Variants in SPHKAP observed in about 807,000 individuals in gnomAD.
The protein encoded by SPHKAP is A-kinase anchor protein SPHKAP.
SPHKAP carries 67 observed loss-of-function variants against 137.5 expected under a neutral mutation model. That is an observed-to-expected ratio of 0.49 (90% confidence interval 0.40 to 0.60). The LOEUF (loss-of-function observed/expected upper bound fraction) is 0.60. Among genes scored for constraint, SPHKAP ranks in the 20% least tolerant of loss-of-function variants. The probability of loss-of-function intolerance (pLI) is 0.00; values close to 1 mark genes in which losing one functional copy is unlikely to be tolerated. For synonymous variants in SPHKAP, 813 were observed against 785.3 expected, an observed-to-expected ratio of 1.04 and a Z score of -0.59; for missense variants, 2,097 against 2,069.3, an observed-to-expected ratio of 1.01 and a Z score of -0.26.
Position 228,017,940 on chromosome 2 carries a change from G to C in SPHKAP, c.2914C>G (p.Pro972Ala). Residue 972 changes from proline (P) to alanine (A), a missense_variant, in exon 7 of 12, where the codon CCC (proline) becomes GCC (alanine). Physicochemically the swap from Pro to Ala is conservative, Grantham distance 27 (BLOSUM62 -1). Transcript: ENST00000392056. The stretch of plus-strand genomic sequence containing the variant: ...TTCAAGGATCGGCAGGGTACGTTGG[G>C]TGTCATCAGAAACTCACTCCCTCTT... ...WKRGSEFLMTPNVPCRSLKRK... is the reference protein window; with the variant it reads ...WKRGSEFLMTANVPCRSLKRK... 1 of 1,614,106 alleles carries C rather than the reference G, an allele frequency of 6.2e-7. No homozygotes were observed. Among genetic ancestry groups the C allele is most frequent in the Non-Finnish European group, 8.5e-7 (1 of 1,180,018 alleles).
At chr2:228,157,696 C>T (rs988284669) in intron 1 of SPHKAP, among the ~76,000 whole-genome samples, 6 of 151,990 alleles carry the variant, frequency 3.9e-5, no homozygotes, top group African/African-American at 4.8e-5. Context: ...TGTCATTTTG[C>T]GGGGAAGCTT....
intron 3 of SPHKAP, among the ~76,000 whole-genome samples, chr2:228,042,563 G>T (rs887413098): frequency 1.3e-5 from 2 of 151,938 alleles, no homozygotes; most frequent in South Asian, 4.1e-4. Context: ...TATTTCTATA[G>T]ATTTGTTTGT....
At chr2:228,176,933 A>G (rs1303922200) in intron 1 of SPHKAP, among the ~76,000 whole-genome samples, 1 of 152,126 alleles carries the variant, frequency 6.6e-6, no homozygotes, top group Non-Finnish European at 1.5e-5. Context: ...AATACAATAC[A>G]TCACTGTTTC....
intron 1 of SPHKAP, among the ~76,000 whole-genome samples, chr2:228,179,095 C>T (rs1700823832): frequency 6.6e-6 from 1 of 152,000 alleles, no homozygotes; most frequent in Non-Finnish European, 1.5e-5. Flanking sequence ...AAAATATATT[C>T]TATAATTAAC....
At chr2:227,997,701 C>T (rs1346351217) in intron 7 of SPHKAP, among the ~76,000 whole-genome samples, 1 of 152,136 alleles carries the variant, frequency 6.6e-6, no homozygotes, top group Non-Finnish European at 1.5e-5. Flanking sequence ...GAGCTCTCTC[C>T]CTTGAATGGT....
chr2:228,018,921 T>C lies in SPHKAP; in HGVS notation c.1933A>G (p.Arg645Gly). 1 of 1,614,192 alleles carries C rather than the reference T, an allele frequency of 6.2e-7. No individual in the cohort carries two copies. The highest frequency in any genetic ancestry group is 8.5e-7 in the Non-Finnish European group (1 of 1,180,024). ...TTTGAAGCAGTTTCCATGATTCTCC[T>C]GTTCATGGAGTCCAGAAAGTCTCCA... is the stretch of plus-strand genomic sequence containing the variant. ...SIGDFLDSMN[R>G]RIMETASKSQ... The change falls in exon 7 of 12, where the codon AGG becomes GGG. Residue 645 changes from arginine (R) to glycine (G), a missense_variant. Physicochemically the swap from Arg to Gly is moderately radical, Grantham distance 125. Transcript: ENST00000392056.
intron 3 of SPHKAP, among the ~76,000 whole-genome samples, chr2:228,043,076 T>C (rs1039482511): frequency 6.6e-6 from 1 of 152,204 alleles, no homozygotes; most frequent in Non-Finnish European, 1.5e-5. Flanking sequence ...ATATCAACCA[T>C]TTCCTAGTCA....
rs144776049 is a variant in SPHKAP, at chr2:228,019,722, G to A, written c.1132C>T (p.Leu378Phe). 9 of 1,614,094 alleles carry A rather than the reference G, an allele frequency of 5.6e-6. No individual in the cohort carries two copies. Among genetic ancestry groups the A allele is most frequent in the Admixed American group, 1.7e-5 (1 of 60,006 alleles). The change falls in exon 7 of 12, where the codon CTC (leucine) becomes TTC (phenylalanine). Residue 378 changes from leucine to phenylalanine, a missense_variant. By Grantham distance (22) the Leu-to-Phe change is conservative (BLOSUM62 0). Transcript: ENST00000392056. Reference protein sequence around the residue: ...PGDHEDTRNALPPRQDGEVTT... With the variant: ...PGDHEDTRNAFPPRQDGEVTT... ...ACTTCTCCATCTTGTCTAGGAGGGA[G>A]AGCGTTTCTTGTGTCTTCATGGTCT...
intron 1 of SPHKAP, among the ~76,000 whole-genome samples, chr2:228,179,418 A>C (rs1227656453): frequency 6.6e-6 from 1 of 152,212 alleles, no homozygotes; most frequent in African/African-American, 2.4e-5. Flanking sequence ...TTCTTTTTGC[A>C]TCCCAATCCC....
At chr2:228,164,222 G>T (rs779687998) in intron 1 of SPHKAP, among the ~76,000 whole-genome samples, 7 of 152,140 alleles carry the variant, frequency 4.6e-5, no homozygotes, top group Non-Finnish European at 7.3e-5. Context: ...CCAGTGGTTT[G>T]CCAGGGCCTC....
At position 228,078,471 on chromosome 2, in the gene SPHKAP, T is replaced by G. The variant is rs1697254527; in HGVS notation, c.246+30361A>C. On this transcript the variant is annotated intron_variant, in intron 3 of 11. Coordinates refer to ENST00000392056, the MANE Select transcript of SPHKAP (RefSeq NM_001142644.2). ...CTCTGGTGCATTTATTTAACTCTTCTGTGGTGGTGGTGTAGGAGTCGTAGA... is the reference window on the plus strand; with the variant it reads ...CTCTGGTGCATTTATTTAACTCTTCGGTGGTGGTGGTGTAGGAGTCGTAGA... Among the ~76,000 whole-genome samples, 4 of 151,688 alleles carry G rather than the reference T, an allele frequency of 2.6e-5. No homozygotes were observed. In the South Asian group the frequency reaches 8.3e-4, roughly 32 times the overall value.
At chr2:228,117,310 G>A (rs534616269) in intron 2 of SPHKAP, among the ~76,000 whole-genome samples, 1 of 152,100 alleles carries the variant, frequency 6.6e-6, no homozygotes, top group African/African-American at 2.4e-5. Context: ...AATTATTAAT[G>A]AATGTGTGCT....
chr2:228,028,671 G>T (rs1574769932), intron 3 of SPHKAP, among the ~76,000 whole-genome samples: 1 of 152,148 alleles, frequency 6.6e-6, no homozygotes, highest in South Asian at 2.1e-4. Context: ...ATGCTGTACA[G>T]GTTTATAGCC....
intron 1 of SPHKAP, among the ~76,000 whole-genome samples, chr2:228,158,878 G>A (rs1420265632): frequency 3.9e-5 from 6 of 152,150 alleles, no homozygotes; most frequent in Non-Finnish European, 8.8e-5. Context: ...ATTTACCCTT[G>A]AATCTCTTTT....
At chr2:228,147,650 C>G (rs1441944601) in intron 1 of SPHKAP, among the ~76,000 whole-genome samples, 2 of 152,150 alleles carry the variant, frequency 1.3e-5, no homozygotes, top group Non-Finnish European at 2.9e-5. Flanking sequence ...GCTTCAGGTT[C>G]CTCATCTGTG....
In SPHKAP at chr2:228,120,614, G is replaced by C. The variant is rs561620422; in HGVS notation, c.138+11366C>G. Among the ~76,000 whole-genome samples the C allele has an allele frequency of 2.7e-4, 41 of 152,156 alleles. 1 individual carries two copies. The highest frequency in any genetic ancestry group is 9.6e-4 in the African/African-American group (40 of 41,532). On this transcript the variant is annotated intron_variant, in intron 2 of 11. Coordinates refer to ENST00000392056, the MANE Select transcript of SPHKAP (RefSeq NM_001142644.2). ...TGTGCCACTCAATTACTCATATTCT[G>C]GAAGCTACACTGTATCTTAATGTTG... is the stretch of plus-strand genomic sequence containing the variant.
chr2:227,982,043 T>A lies in SPHKAP; in HGVS notation c.4960-183A>T, dbSNP rs888036943. The A allele has an allele frequency of 6.5e-6, 6 of 920,992 alleles. No individual in the cohort carries two copies. In the African/African-American group the frequency reaches 1.2e-4, roughly 18 times the overall value. The allele number at this position is 920,992 out of a possible 1,614,324, so 57.1% of individuals were successfully genotyped here. ...AATTTCAGATTATTACCGAACTTCA[T>A]CAAGTGAATTTTTTTTTTTTTTTTT... On this transcript the variant is annotated intron_variant, in intron 11 of 11. Transcript: ENST00000392056.
rs371548652 is a variant in SPHKAP, at chr2:228,017,081, T to C, written c.3773A>G (p.Asn1258Ser). The change falls in exon 7 of 12, where the codon AAC (asparagine) becomes AGC (serine). Residue 1258 changes from asparagine to serine, a missense_variant. Asn to Ser is a conservative substitution (Grantham distance 46). Transcript: ENST00000392056. The stretch of plus-strand genomic sequence containing the variant: ...GTTCTGAGCAAAGCCATCTAAAGAG[T>C]TGGCTTTGATGGGCACATTCACTGT... ...RLTVNVPIKA[N>S]SLDGFAQNCP... is the part of the protein sequence containing the mutation. 2 of 1,613,532 alleles carry C rather than the reference T, an allele frequency of 1.2e-6. No individual in the cohort carries two copies. The highest frequency in any genetic ancestry group is 8.5e-7 in the Non-Finnish European group (1 of 1,179,846).
At chr2:228,050,427 T>G (rs1696214819) in intron 3 of SPHKAP, among the ~76,000 whole-genome samples, 1 of 152,176 alleles carries the variant, frequency 6.6e-6, no homozygotes, top group East Asian at 1.9e-4. Context: ...TTACCTACAA[T>G]TTGTTCTTAC....
Sources: gnomAD v4.1 joint callset for allele counts (sites outside exome capture counted in the v4.1 genomes callset) on GRCh38, gnomAD v4.1.1 for gene constraint, MANE v1.5 for transcripts, NCBI Gene and HGNC (gene_info 2026-07-23, HGNC 2026-07-21) for gene names.